TMEM245: variants seen among roughly 807,000 people sequenced by gnomAD.
TMEM245 encodes protein CG-2.
TMEM245 carries 69 observed loss-of-function variants against 101.2 expected under a neutral mutation model. The observed-to-expected ratio is 0.68, with a 90% CI of 0.56 to 0.83. The LOEUF (loss-of-function observed/expected upper bound fraction) is 0.83. TMEM245 is among the 40% of genes least tolerant of loss of function. The probability of loss-of-function intolerance (pLI) is 0.00; values close to 1 mark genes in which losing one functional copy is unlikely to be tolerated. For synonymous variants in TMEM245, 537 were observed against 449.8 expected (o/e 1.19, Z -2.45); for missense variants, 1,075 against 1,092.8 (o/e 0.98, Z 0.23).
At chr9:109,075,494 G>A (rs1393906788) in intron 8 of TMEM245, among the ~76,000 whole-genome samples, 2 of 152,158 alleles carry the variant, frequency 1.3e-5, no homozygotes, top group African/African-American at 2.4e-5. Context: ...GGGCCTGAGC[G>A]CTTCTTGGTA....
chr9:109,046,323 T>C, intron 14 of TMEM245: 1 of 533,812 alleles, frequency 1.9e-6, no homozygotes. Flanking sequence ...AATGGGAGCA[T>C]CAGGGAAGAA....
chr9:109,090,125 G>A (rs934201522), intron 5 of TMEM245, among the ~76,000 whole-genome samples: 1 of 152,090 alleles, frequency 6.6e-6, no homozygotes, highest in Non-Finnish European at 1.5e-5. Flanking sequence ...GCCAGGGGTG[G>A]TGGCGCATGC....
Position 109,020,420 on chromosome 9 carries a change from A to C in TMEM245, c.*40T>G, listed in dbSNP as rs1191500039. The C allele has an allele frequency of 2.1e-5, 34 of 1,606,122 alleles. No homozygotes were observed. Among genetic ancestry groups the C allele is most frequent in the Non-Finnish European group, 2.4e-5 (28 of 1,172,830 alleles). On this transcript the variant is annotated 3_prime_UTR_variant, in exon 18 of 18. Transcript: ENST00000374586. The stretch of plus-strand genomic sequence containing the variant: ...ACAGCTGAGCTGAACTCGCTGTCAA[A>C]TTTGAACTTCCTAGAAAAATCACTG...
At chr9:109,089,560 A>G (rs1005396885) in intron 5 of TMEM245, among the ~76,000 whole-genome samples, 1 of 152,224 alleles carries the variant, frequency 6.6e-6, no homozygotes, top group African/African-American at 2.4e-5. Context: ...CAAAATCCAC[A>G]GCAGCCACTA....
At chr9:109,106,655 G>C in intron 2 of TMEM245, 46 bp from the exon 3 acceptor site, 1 of 1,408,530 alleles carries the variant, frequency 7.1e-7, no homozygotes, top group Non-Finnish European at 9.8e-7. Flanking sequence ...TAAAAACCTA[G>C]TACTTGTTTT....
intron 8 of TMEM245, among the ~76,000 whole-genome samples, chr9:109,074,498 T>C (rs1829434748): frequency 6.6e-6 from 1 of 152,158 alleles, no homozygotes; most frequent in Non-Finnish European, 1.5e-5. Flanking sequence ...TCGTTATCCT[T>C]TTCTGATGAC....
In TMEM245 at chr9:109,038,128, CA is replaced by C. The variant is rs759052339; in HGVS notation, c.2124-12del. ...GCATCAAACACCCCTCTGGAATGCC[CA>C]AAGATAAAAAGAAAGAGTAAATAAA... On this transcript the variant is annotated splice_polypyrimidine_tract_variant and intron_variant, in intron 14 of 17. Coordinates refer to ENST00000374586, the MANE Select transcript of TMEM245 (RefSeq NM_032012.4). The C allele has an allele frequency of 1.2e-6, 2 of 1,601,464 alleles. No homozygotes were observed. The highest frequency in any genetic ancestry group is 2.7e-5 in the African/African-American group (2 of 74,256).
chr9:109,021,071 G>A (rs372918922), intron 17 of TMEM245, among the ~76,000 whole-genome samples: 10 of 152,210 alleles, frequency 6.6e-5, no homozygotes, highest in Admixed American at 4.6e-4. Flanking sequence ...CAAGCTAAGC[G>A]AACAATGTTA....
intron 14 of TMEM245, among the ~76,000 whole-genome samples, chr9:109,040,888 T>A (rs925489978): frequency 2.0e-5 from 3 of 152,238 alleles, no homozygotes; most frequent in Admixed American, 2.0e-4. Flanking sequence ...TTATGAATAA[T>A]GCTGCTATGA....
chr9:109,036,818 G>C (rs10979664), intron 15 of TMEM245, among the ~76,000 whole-genome samples: 6 of 152,206 alleles, frequency 3.9e-5, no homozygotes, highest in Non-Finnish European at 8.8e-5. Flanking sequence ...CTGCTTCAAG[G>C]TCATTCCCTT....
At chr9:109,060,260 G>T in intron 11 of TMEM245, 94 bp downstream of exon 11, 1 of 901,618 alleles carries the variant, frequency 1.1e-6, no homozygotes. Context: ...TTCCATGAAT[G>T]AAATCCCACT....
chr9:109,108,490 A>C lies in TMEM245; in HGVS notation c.660T>G (p.Val220=). 1 of 1,604,728 alleles carries C rather than the reference A, an allele frequency of 6.2e-7. No individual in the cohort carries two copies. The highest frequency in any genetic ancestry group is 8.5e-7 in the Non-Finnish European group (1 of 1,176,118). Reference sequence around the variant, plus strand: ...GCAATATAATCCAGACAGGAATTGAAACTGCTCTCAAGTAGCGTTCAGTGC... The same window carrying C: ...GCAATATAATCCAGACAGGAATTGACACTGCTCTCAAGTAGCGTTCAGTGC... ...NASTERYLRA[V]SIPVWIILLF... is the part of the protein sequence containing the mutation. The change falls in exon 2 of 18, where the codon GTT becomes GTG. Residue 220 remains valine, a synonymous_variant. Transcript: ENST00000374586.
At chr9:109,060,526 A>G (rs1432604930) in intron 10 of TMEM245, 74 bp from the exon 11 acceptor site, 9 of 1,018,214 alleles carry the variant, frequency 8.8e-6, no homozygotes, top group Non-Finnish European at 1.2e-5. Flanking sequence ...TATGCTGGGT[A>G]TTTACATTTG....
At chr9:109,104,238 C>A (rs1384426670) in intron 3 of TMEM245, among the ~76,000 whole-genome samples, 1 of 151,944 alleles carries the variant, frequency 6.6e-6, no homozygotes, top group Non-Finnish European at 1.5e-5. Context: ...GGGATGGATA[C>A]CCCATTTTAC....
Position 109,108,518 on chromosome 9 carries a change from G to C in TMEM245, c.632C>G (p.Ala211Gly). 1.9e-6 allele frequency: 3 copies of C among 1,609,514 alleles called. No individual in the cohort carries two copies. Among genetic ancestry groups the C allele is most frequent in the Non-Finnish European group, 1.7e-6 (2 of 1,178,138 alleles). The change falls in exon 2 of 18, where the codon GCA becomes GGA. Residue 211 changes from alanine (A) to glycine (G), a missense_variant. Coordinates refer to ENST00000374586, the MANE Select transcript of TMEM245 (RefSeq NM_032012.4). ...YVLTVSFKWN[A>G]STERYLRAVS... ...TGCTCTCAAGTAGCGTTCAGTGCTT[G>C]CATTCCACTTGAATGAAACAGTCAA...
chr9:109,060,293 G>T, intron 11 of TMEM245, 61 bp downstream of exon 11: 1 of 1,185,228 alleles, frequency 8.4e-7, no homozygotes, highest in Non-Finnish European at 1.2e-6. Flanking sequence ...CTATCTAGTT[G>T]ATGAGTCAAT....
At chr9:109,056,101 T>A (rs766091427) in intron 12 of TMEM245, among the ~76,000 whole-genome samples, 10 of 152,172 alleles carry the variant, frequency 6.6e-5, no homozygotes, top group Non-Finnish European at 1.5e-4. Flanking sequence ...AGATAACATC[T>A]AAAACTGCAA....
Position 109,017,946 on chromosome 9 carries a change from AT to A in TMEM245, c.*2513del, listed in dbSNP as rs1162323795. 5.3e-5 allele frequency: 8 copies of A among 152,238 alleles called. No individual in the cohort carries two copies. Among genetic ancestry groups the A allele is most frequent in the Admixed American group, 2.0e-4 (3 of 15,298 alleles). 9.4% of individuals were successfully genotyped at this position (152,238 alleles called of 1,614,324 possible). ...TAGTCCTTATGCCGTTGCTGTAGCA[AT>A]GGGGCAGGTCAAGTTTCCTGATCAT... is the stretch of plus-strand genomic sequence containing the variant. On this transcript the variant is annotated 3_prime_UTR_variant, in exon 18 of 18. Transcript: ENST00000374586.
intron 12 of TMEM245, among the ~76,000 whole-genome samples, chr9:109,055,926 G>A (rs1006285558): frequency 2.0e-5 from 3 of 152,088 alleles, no homozygotes; most frequent in African/African-American, 7.2e-5. Flanking sequence ...AAGCCACCAC[G>A]CCCGGCCTCA....
Sources: gnomAD v4.1 joint callset for allele counts (sites outside exome capture counted in the v4.1 genomes callset) on GRCh38, gnomAD v4.1.1 for gene constraint, MANE v1.5 for transcripts, NCBI Gene and HGNC (gene_info 2026-07-23, HGNC 2026-07-21) for gene names.